Variants in CHD2 observed in about 807,000 individuals in gnomAD.
CHD2 encodes chromodomain helicase DNA binding protein 2.
A neutral mutation model predicts 243.9 loss-of-function variants in CHD2; 28 were observed. The ratio of observed to expected loss-of-function variants is 0.11; its 90% CI spans 0.09 to 0.16. The LOEUF (loss-of-function observed/expected upper bound fraction) is 0.16. Ranked by LOEUF, CHD2 falls within the 10% of genes least tolerant of loss-of-function variation. The probability of loss-of-function intolerance (pLI) is 1.00; values close to 1 mark genes in which losing one functional copy is unlikely to be tolerated. For synonymous variants in CHD2, 775 were observed against 779.0 expected (o/e 0.99, Z 0.09); for missense variants, 1,386 against 2,209.8 (o/e 0.63, Z 7.47).
In CHD2 at chr15:93,024,255, A is replaced by G. The variant is rs1171972176; in HGVS notation, c.5154-117A>G. On this transcript the variant is annotated intron_variant, in intron 38 of 38. Coordinates refer to ENST00000394196, the MANE Select transcript of CHD2 (RefSeq NM_001271.4). ...GTTATTAATTTTTTTGATTCCTAAT[A>G]ATGTGAGCATTTGTCCTTGAATATG... 7 of 866,556 alleles carry G rather than the reference A, an allele frequency of 8.1e-6. No homozygotes were observed. The Admixed American group carries it at 1.9e-4, about 24-fold the overall frequency. 53.7% of individuals were successfully genotyped at this position (866,556 alleles called of 1,614,324 possible).
chr15:93,024,262 G>T, intron 38 of CHD2, 110 bp from the exon 39 acceptor site: 1 of 911,830 alleles, frequency 1.1e-6, no homozygotes, highest in Non-Finnish European at 1.7e-6. Context: ...AATAATGTGA[G>T]CATTTGTCCT....
In CHD2 at chr15:92,942,833, C is replaced by G. The variant is rs2141787300; in HGVS notation, c.827-10C>G. On this transcript the variant is annotated splice_polypyrimidine_tract_variant and intron_variant, in intron 8 of 38. Transcript: ENST00000394196. ...ATACTCTCTTTCAAGTGTACTTAAT[C>G]CTTTTGCAGCCACTGGAGCATCTAC... 1.3e-6 allele frequency: 2 copies of G among 1,592,258 alleles called. No individual in the cohort carries two copies. The highest frequency in any genetic ancestry group is 1.4e-5 in the African/African-American group (1 of 73,794).
chr15:92,967,329 G>C lies in CHD2; in HGVS notation c.2005G>C (p.Glu669Gln). 1.9e-6 allele frequency: 3 copies of C among 1,605,034 alleles called. No individual in the cohort carries two copies. The highest frequency in any genetic ancestry group is 2.6e-6 in the Non-Finnish European group (3 of 1,174,744). ...ACTATACTGTTTCTTCCCTAGGTTT[G>C]AATTTTGGGAAGATTTTGAAGAAGA... ...LLHFIMPEKF[E>Q]FWEDFEEDHG... The change falls in exon 17 of 39, where the codon GAA (glutamate) becomes CAA (glutamine). Residue 669 changes from glutamate (E) to glutamine (Q), a missense_variant. Glu to Gln is a conservative substitution (Grantham distance 29). This residue lies in a region of CHD2 where 118 missense variants were observed against 266.3 expected (regional missense o/e 0.44). Coordinates refer to ENST00000394196, the MANE Select transcript of CHD2 (RefSeq NM_001271.4).
At chr15:92,965,976 A>G (rs762313779) in intron 16 of CHD2, among the ~76,000 whole-genome samples, 15 of 152,040 alleles carry the variant, frequency 9.9e-5, no homozygotes, top group East Asian at 3.8e-4. Context: ...TTCTACTTCT[A>G]CTGATTTCCG....
intron 16 of CHD2, among the ~76,000 whole-genome samples, chr15:92,964,231 CT>C (rs5814560): frequency 0.77 from 116,442 of 152,056 alleles, 46,029 homozygotes; most frequent in East Asian, 1. Flanking sequence ...TGAAAGAGAT[CT>C]TTTTTTCTTT....
chr15:92,918,175 A>G (rs1468209531), intron 2 of CHD2, among the ~76,000 whole-genome samples: 3 of 152,186 alleles, frequency 2.0e-5, no homozygotes, highest in Non-Finnish European at 4.4e-5. Flanking sequence ...TGTTAATGGC[A>G]CTTCGTTTCA....
At position 92,991,908 on chromosome 15, in the gene CHD2, A is replaced by G. The variant is rs550274562; in HGVS notation, c.3455+391A>G. On this transcript the variant is annotated intron_variant, in intron 27 of 38. Coordinates refer to ENST00000394196, the MANE Select transcript of CHD2 (RefSeq NM_001271.4). ...GGTAAAAGGCTCTTTATGATTTTAT[A>G]ATCTTCTGCTAATTAGCAGGATTTT... 341 of 160,730 alleles carry G rather than the reference A, an allele frequency of 2.1e-3. 1 individual carries two copies. Among genetic ancestry groups the G allele is most frequent in the African/African-American group, 7.7e-3 (325 of 41,960 alleles). 10.0% of individuals were successfully genotyped at this position (160,730 alleles called of 1,614,324 possible).
At chr15:93,004,878 C>T in intron 34 of CHD2, 127 bp downstream of exon 34, 1 of 974,294 alleles carries the variant, frequency 1.0e-6, no homozygotes, top group Non-Finnish European at 1.5e-6. Flanking sequence ...AAACACATTG[C>T]TTACAGTATC....
intron 5 of CHD2, among the ~76,000 whole-genome samples, chr15:92,935,837 C>A (rs2053257638): frequency 6.6e-6 from 1 of 152,146 alleles, no homozygotes; most frequent in Non-Finnish European, 1.5e-5. Flanking sequence ...TTTAAAGAGA[C>A]TGAAGGATAT....
At chr15:92,944,344 CT>C in intron 9 of CHD2, 70 bp from the exon 10 acceptor site, 1 of 770,310 alleles carries the variant, frequency 1.3e-6, no homozygotes, top group Non-Finnish European at 2.1e-6. Flanking sequence ...CCACCTTTGA[CT>C]TTTGCTTTGA....
intron 35 of CHD2, 42 bp downstream of exon 35, chr15:93,009,365 G>T: frequency 3.8e-6 from 6 of 1,567,228 alleles, no homozygotes; most frequent in Non-Finnish European, 5.2e-6. Context: ...ATTTGACTGA[G>T]TGTGGGAGTG....
chr15:92,928,269 T>C (rs953785318), intron 4 of CHD2, among the ~76,000 whole-genome samples: 1 of 152,256 alleles, frequency 6.6e-6, no homozygotes, highest in African/African-American at 2.4e-5. Context: ...TCGCACTAGG[T>C]TACTGAGCCA....
intron 37 of CHD2, among the ~76,000 whole-genome samples, chr15:93,017,429 G>A (rs1030631527): frequency 3.3e-5 from 5 of 150,434 alleles, no homozygotes; most frequent in East Asian, 3.9e-4. Flanking sequence ...GGGTTCAAGC[G>A]ATTCTCCTGC....
At position 92,928,112 on chromosome 15, in the gene CHD2, A is replaced by T. The variant is rs2053097274; in HGVS notation, c.381+782A>T. Among the ~76,000 whole-genome samples, 3 of 152,228 alleles carry T rather than the reference A, an allele frequency of 2.0e-5. No individual in the cohort carries two copies. In the South Asian group the frequency reaches 6.2e-4, roughly 31 times the overall value. Reference sequence around the variant, plus strand: ...CTTCTGATGAAAGTTAAATATTGATAGCCACAGGTCAGTGAGTTGGGTGTG... The same window carrying T: ...CTTCTGATGAAAGTTAAATATTGATTGCCACAGGTCAGTGAGTTGGGTGTG... On this transcript the variant is annotated intron_variant, in intron 4 of 38. Transcript: ENST00000394196.
chr15:92,936,799 A>T (rs1376983340), intron 5 of CHD2, among the ~76,000 whole-genome samples: 1 of 151,874 alleles, frequency 6.6e-6, no homozygotes, highest in African/African-American at 2.4e-5. Context: ...CTCAACTGAG[A>T]CCTACTGCAT....
At chr15:92,934,000 T>G (rs2053222365) in intron 5 of CHD2, among the ~76,000 whole-genome samples, 1 of 152,166 alleles carries the variant, frequency 6.6e-6, no homozygotes, top group Admixed American at 6.5e-5. Flanking sequence ...TCATTGGAAT[T>G]TTTTTTTCAA....
At chr15:93,011,598 C>T (rs903889791) in intron 35 of CHD2, among the ~76,000 whole-genome samples, 3 of 152,182 alleles carry the variant, frequency 2.0e-5, no homozygotes, top group African/African-American at 7.2e-5. Context: ...CTGTCAGCAG[C>T]AAGCCATGGT....
At chr15:92,928,829 A>G (rs1041561432) in intron 4 of CHD2, among the ~76,000 whole-genome samples, 1 of 152,190 alleles carries the variant, frequency 6.6e-6, no homozygotes, top group Non-Finnish European at 1.5e-5. Flanking sequence ...TTTAGAGATA[A>G]CTCAGTGATA....
intron 5 of CHD2, among the ~76,000 whole-genome samples, chr15:92,936,891 G>A (rs1399220653): frequency 6.6e-6 from 1 of 151,694 alleles, no homozygotes; most frequent in East Asian, 1.9e-4. Flanking sequence ...ACTCTTAACC[G>A]CCTAGGGTGG....
Sources: allele counts gnomAD v4.1 joint callset (sites outside exome capture counted in the v4.1 genomes callset), GRCh38; gene constraint gnomAD v4.1.1; regional missense constraint gnomAD v4.1.1; transcripts MANE v1.5; gene names NCBI Gene and HGNC (gene_info 2026-07-23, HGNC 2026-07-21).